DPPA4: variants seen among roughly 807,000 people sequenced by gnomAD.
DPPA4 encodes the protein developmental pluripotency-associated protein 4.
A neutral mutation model predicts 33.7 loss-of-function variants in DPPA4; 22 were observed. The observed-to-expected ratio is 0.65, with a 90% CI of 0.47 to 0.93. The LOEUF (loss-of-function observed/expected upper bound fraction) is 0.93. DPPA4 is among the 40% of genes least tolerant of loss of function. The probability of loss-of-function intolerance (pLI) is 0.00; values close to 1 mark genes in which losing one functional copy is unlikely to be tolerated. For missense variants in DPPA4, 340 were observed against 358.6 expected (o/e 0.95, Z 0.42); for synonymous variants, 156 against 132.3 (o/e 1.18, Z -1.23).
chr3:109,336,459 G>GT, intron 1 of DPPA4: 1 of 152,228 alleles, frequency 6.6e-6, no homozygotes. Flanking sequence ...GTTTCTGTCT[G>GT]CATTGTTCCC....
intron 1 of DPPA4, chr3:109,336,443 C>T (rs190091833): frequency 6.6e-6 from 1 of 152,180 alleles, no homozygotes; most frequent in Non-Finnish European, 1.5e-5. Flanking sequence ...ATCCTCTCTT[C>T]CTTCAGTTTC....
intron 4 of DPPA4, among the ~76,000 whole-genome samples, 157 bp from the exon 5 acceptor site, chr3:109,330,969 T>C (rs1262217324): frequency 6.6e-6 from 1 of 152,082 alleles, no homozygotes; most frequent in Non-Finnish European, 1.5e-5. Context: ...TTAATAACAA[T>C]GTACTGTCTT....
intron 1 of DPPA4, among the ~76,000 whole-genome samples, chr3:109,334,463 CT>C (rs1708150867): frequency 6.6e-6 from 1 of 151,764 alleles, no homozygotes; most frequent in Non-Finnish European, 1.5e-5. Flanking sequence ...AGGAGGATTG[CT>C]TGAGCCAGGG....
chr3:109,339,608 A>G (rs1481940314), upstream of DPPA4, among the ~76,000 whole-genome samples: 1 of 151,812 alleles, frequency 6.6e-6, no homozygotes, highest in East Asian at 1.9e-4. Context: ...AAATACAAAA[A>G]ATTACCAGGC....
chr3:109,329,168 C>T (rs925607099), intron 5 of DPPA4, 80 bp from the exon 6 acceptor site: 43 of 1,248,000 alleles, frequency 3.4e-5, no homozygotes, highest in Non-Finnish European at 4.5e-5. Context: ...TGGCCCATCA[C>T]CCTTGATTGA....
intron 1 of DPPA4, among the ~76,000 whole-genome samples, chr3:109,334,354 C>A (rs1278767149): frequency 6.6e-6 from 1 of 152,102 alleles, no homozygotes; most frequent in East Asian, 1.9e-4. Context: ...GGATACCAGC[C>A]TGAGCAACAA....
At chr3:109,335,568 C>A (rs2107351838) in intron 1 of DPPA4, among the ~76,000 whole-genome samples, 1 of 152,150 alleles carries the variant, frequency 6.6e-6, no homozygotes, top group East Asian at 2.0e-4. Flanking sequence ...GCTGGAATTA[C>A]AGGCGCCTGC....
upstream of DPPA4, among the ~76,000 whole-genome samples, chr3:109,338,620 T>C (rs1283555130): frequency 6.6e-6 from 1 of 152,190 alleles, no homozygotes; most frequent in African/African-American, 2.4e-5. Context: ...GTTAGTAATC[T>C]GCTCACAGGC....
At chr3:109,331,319 A>G (rs1686571786) in intron 4 of DPPA4, among the ~76,000 whole-genome samples, 1 of 146,852 alleles carries the variant, frequency 6.8e-6, no homozygotes, top group Admixed American at 6.8e-5. Context: ...GAAAAGAAAA[A>G]AATAGAAAAA....
chr3:109,329,849 A>G (rs1337790062), intron 5 of DPPA4: 1 of 152,422 alleles, frequency 6.6e-6, no homozygotes, highest in African/African-American at 2.4e-5. Flanking sequence ...GTTGCAGGCA[A>G]TTAATTTTAG....
intron 4 of DPPA4, 26 bp from the exon 5 acceptor site, chr3:109,330,838 A>G (rs1708055801): frequency 6.4e-7 from 1 of 1,551,518 alleles, no homozygotes; most frequent in South Asian, 1.3e-5. Flanking sequence ...AATAATAAAG[A>G]TAAAAATACA....
intron 1 of DPPA4, 50 bp downstream of exon 1, chr3:109,337,405 CCAGGGAAGA>C: frequency 4.6e-6 from 7 of 1,515,172 alleles, no homozygotes; most frequent in Non-Finnish European, 6.4e-6. Flanking sequence ...TCAGGAGTGC[CCAGGGAAGA>C]CAGAAACACA....
chr3:109,331,909 C>A lies in DPPA4; in HGVS notation c.301G>T (p.Ala101Ser). The stretch of plus-strand genomic sequence containing the variant: ...CTCAGCTTCAATTGTTGGCACCAGG[C>A]CCGCAGAATGTCCCGGTGAATCAGA... ...VNLIHRDILRAWCQQLKLSSK... is the reference protein window; with the variant it reads ...VNLIHRDILRSWCQQLKLSSK... Residue 101 changes from alanine (A) to serine (S), a missense_variant, in exon 3 of 7, where the codon GCC becomes TCC. This residue lies in a region of DPPA4 where 32 missense variants were observed against 60.3 expected (regional missense o/e 0.53). Transcript: ENST00000335658. 6.2e-7 allele frequency: 1 copy of A among 1,614,088 alleles called. No individual in the cohort carries two copies. The highest frequency in any genetic ancestry group is 8.5e-7 in the Non-Finnish European group (1 of 1,180,024).
At chr3:109,332,138 T>C in intron 2 of DPPA4, 107 bp from the exon 3 acceptor site, 1 of 1,030,884 alleles carries the variant, frequency 9.7e-7, no homozygotes, top group Non-Finnish European at 1.4e-6. Flanking sequence ...AATCTTGCTC[T>C]GTCGCCCGGC....
At position 109,331,794 on chromosome 3, in the gene DPPA4, T is replaced by C. The variant is rs1034052539; in HGVS notation, c.340-10A>G. 4 of 1,613,432 alleles carry C rather than the reference T, an allele frequency of 2.5e-6. No homozygotes were observed. The highest frequency in any genetic ancestry group is 3.4e-6 in the Non-Finnish European group (4 of 1,179,618). ...TATATGCATCCAATTTCTAAGACAA[T>C]AGAAAACTGAGTTAGTAAGGCAAAT... On this transcript the variant is annotated splice_polypyrimidine_tract_variant and intron_variant, in intron 3 of 6. Coordinates refer to ENST00000335658, the MANE Select transcript of DPPA4 (RefSeq NM_018189.4).
intron 2 of DPPA4, 161 bp from the exon 3 acceptor site, chr3:109,332,192 C>T (rs567011831): frequency 8.9e-5 from 47 of 527,790 alleles, no homozygotes; most frequent in African/African-American, 6.8e-4. Context: ...ACCTCCGCCT[C>T]GTGGGTTCAA....
At position 109,327,984 on chromosome 3, in the gene DPPA4, T is replaced by C. The variant is rs763609177; in HGVS notation, c.*4A>G. ...ACCATAGATGTGGCCTTTTTCCTGATATTCTATTCCCATTGGAGGCTTTTT... is the reference window on the plus strand; with the variant it reads ...ACCATAGATGTGGCCTTTTTCCTGACATTCTATTCCCATTGGAGGCTTTTT... On this transcript the variant is annotated 3_prime_UTR_variant, in exon 7 of 7. Transcript: ENST00000335658. The C allele has an allele frequency of 1.9e-6, 3 of 1,547,186 alleles. No homozygotes were observed. Among genetic ancestry groups the C allele is most frequent in the South Asian group, 2.2e-5 (2 of 89,558 alleles).
intron 2 of DPPA4, among the ~76,000 whole-genome samples, chr3:109,332,627 A>T (rs1449775582): frequency 6.6e-6 from 1 of 152,118 alleles, no homozygotes; most frequent in Non-Finnish European, 1.5e-5. Context: ...CTCTACCCCC[A>T]GAGCAAAATC....
intron 1 of DPPA4, among the ~76,000 whole-genome samples, chr3:109,335,426 G>A (rs527502100): frequency 6.6e-6 from 1 of 152,192 alleles, no homozygotes; most frequent in South Asian, 2.1e-4. Flanking sequence ...GCGCCCAAGG[G>A]TTCCCTATTT....
Sources: gnomAD v4.1 joint callset for allele counts (sites outside exome capture counted in the v4.1 genomes callset) on GRCh38, gnomAD v4.1.1 for gene constraint, gnomAD v4.1.1 regional missense constraint, MANE v1.5 for transcripts, NCBI Gene and HGNC (gene_info 2026-07-23, HGNC 2026-07-21) for gene names.